Variants in FHIT observed in about 807,000 individuals in gnomAD.
FHIT encodes the protein bis(5'-adenosyl)-triphosphatase.
In FHIT, 19 loss-of-function variants were observed where a neutral mutation model predicts 17.9. The observed-to-expected ratio is 1.06, with a 90% confidence interval of 0.74 to 1.56. The LOEUF (loss-of-function observed/expected upper bound fraction) is 1.56. Among genes scored for constraint, FHIT ranks in the 40% most tolerant of loss-of-function variants. The probability of loss-of-function intolerance (pLI) is 0.00; values close to 1 mark genes in which losing one functional copy is unlikely to be tolerated. For missense variants in FHIT, 248 were observed against 189.2 expected (o/e 1.31, Z -1.82); for synonymous variants, 81 against 69.7 (o/e 1.16, Z -0.81).
At chr3:61,143,618 C>G (rs548745855) in intron 2 of FHIT, among the ~76,000 whole-genome samples, 1 of 152,190 alleles carries the variant, frequency 6.6e-6, no homozygotes, top group Non-Finnish European at 1.5e-5. Flanking sequence ...GTAATCCCAA[C>G]GCTCTGGGAG....
At chr3:59,759,367 A>ACAAT (rs1701385613) in intron 8 of FHIT, among the ~76,000 whole-genome samples, 1 of 152,180 alleles carries the variant, frequency 6.6e-6, no homozygotes, top group South Asian at 2.1e-4. Flanking sequence ...AGTGATGGCA[A>ACAAT]CAATCAGAAG....
At chr3:60,792,396 A>G (rs1313966152) in intron 4 of FHIT, among the ~76,000 whole-genome samples, 1 of 152,250 alleles carries the variant, frequency 6.6e-6, no homozygotes, top group Admixed American at 6.5e-5. Context: ...AGTTAAAATC[A>G]TGCTGTCGAC....
chr3:59,756,406 G>C (rs1214698873), intron 8 of FHIT, among the ~76,000 whole-genome samples: 2 of 152,228 alleles, frequency 1.3e-5, no homozygotes, highest in Admixed American at 6.5e-5. Context: ...CATGGTAAAA[G>C]CTAAGGTCCT....
intron 5 of FHIT, among the ~76,000 whole-genome samples, chr3:60,291,487 G>A (rs1010257992): frequency 1.3e-5 from 2 of 152,094 alleles, no homozygotes; most frequent in African/African-American, 4.8e-5. Flanking sequence ...CCTCCATGTC[G>A]GACATGCCTG....
intron 2 of FHIT, among the ~76,000 whole-genome samples, chr3:61,195,120 G>T (rs1240121436): frequency 6.6e-6 from 1 of 151,148 alleles, no homozygotes; most frequent in East Asian, 1.9e-4. Context: ...AACTCTCAGG[G>T]AAGAAAGAAA....
At chr3:60,418,997 G>C (rs369651607) in intron 5 of FHIT, among the ~76,000 whole-genome samples, 2 of 152,246 alleles carry the variant, frequency 1.3e-5, no homozygotes, top group Admixed American at 1.3e-4. Context: ...AGCCCGAATG[G>C]GAAGTACCTA....
chr3:59,853,276 C>T (rs190037785), intron 8 of FHIT, among the ~76,000 whole-genome samples: 47 of 152,244 alleles, frequency 3.1e-4, no homozygotes, highest in Admixed American at 5.9e-4. Context: ...TCCACATAGG[C>T]TATTATGATC....
intron 5 of FHIT, among the ~76,000 whole-genome samples, chr3:60,025,804 A>C (rs1700720980): frequency 6.6e-6 from 1 of 152,146 alleles, no homozygotes; most frequent in African/African-American, 2.4e-5. Context: ...CAAAACAGGA[A>C]GCAAAAGACA....
intron 5 of FHIT, among the ~76,000 whole-genome samples, chr3:60,243,977 GT>G (rs1429398573): frequency 6.6e-6 from 1 of 151,900 alleles, no homozygotes; most frequent in Non-Finnish European, 1.5e-5. Context: ...CGGTTAAATG[GT>G]TTGTATAGCT....
chr3:60,363,612 G>C (rs1699991270), intron 5 of FHIT, among the ~76,000 whole-genome samples: 4 of 152,100 alleles, frequency 2.6e-5, no homozygotes. Context: ...GTGGTAGCTA[G>C]AACTTGAGCC....
At chr3:60,304,845 C>A (rs2106726404) in intron 5 of FHIT, among the ~76,000 whole-genome samples, 1 of 152,194 alleles carries the variant, frequency 6.6e-6, no homozygotes, top group South Asian at 2.1e-4. Flanking sequence ...GATTGTACAT[C>A]TCTATCAAAC....
At chr3:60,033,391 G>A (rs1383999262) in intron 5 of FHIT, among the ~76,000 whole-genome samples, 1 of 152,084 alleles carries the variant, frequency 6.6e-6, no homozygotes, top group Non-Finnish European at 1.5e-5. Context: ...CTACTCAGGA[G>A]GTTGAGGCAG....
rs373748364 is a variant in FHIT at position 60,413,427 on chromosome 3, G to C, written c.103+123433C>G. Among the ~76,000 whole-genome samples, 9 of 152,278 alleles carry C rather than the reference G, an allele frequency of 5.9e-5. 1 individual carries two copies. The highest frequency in any genetic ancestry group is 4.1e-4 in the South Asian group (2 of 4,826). ...TGATTTTAACAATGAAAGTAGCTCA[G>C]AACATAGGAGTTACTTGGCCAATAG... On this transcript the variant is annotated intron_variant, in intron 5 of 9. Transcript: ENST00000492590.
At chr3:60,641,438 C>T (rs2039721697) in intron 4 of FHIT, among the ~76,000 whole-genome samples, 1 of 151,962 alleles carries the variant, frequency 6.6e-6, no homozygotes, top group Non-Finnish European at 1.5e-5. Context: ...ATTAAAATAC[C>T]CACAGCATCA....
chr3:59,923,217 T>A (rs1705493950), intron 7 of FHIT, among the ~76,000 whole-genome samples: 1 of 77,394 alleles, frequency 1.3e-5, no homozygotes, highest in East Asian at 4.2e-4. Flanking sequence ...AGAGCGAGAC[T>A]CCTCAAAAAA....
chr3:60,441,809 T>C (rs1390857254), intron 5 of FHIT, among the ~76,000 whole-genome samples: 1 of 119,250 alleles, frequency 8.4e-6, no homozygotes, highest in African/African-American at 3.0e-5. Context: ...TATATATATA[T>C]ATATATCAGG....
intron 4 of FHIT, among the ~76,000 whole-genome samples, chr3:60,610,909 C>T (rs1404607755): frequency 1.2e-4 from 18 of 152,252 alleles, no homozygotes; most frequent in Admixed American, 1.0e-3. Context: ...GACCCTGGCT[C>T]CAGTCCCAGC....
At chr3:60,224,798 G>A (rs188733475) in intron 5 of FHIT, among the ~76,000 whole-genome samples, 131 of 151,956 alleles carry the variant, frequency 8.6e-4, no homozygotes, top group Admixed American at 3.0e-3. Flanking sequence ...GGTCTTGGCT[G>A]AAAACTCCGG....
At chr3:61,069,758 A>G (rs1370047073) in intron 2 of FHIT, among the ~76,000 whole-genome samples, 2 of 152,212 alleles carry the variant, frequency 1.3e-5, no homozygotes, top group Non-Finnish European at 2.9e-5. Context: ...GTATATGTTC[A>G]GGAAGAACTG....
Sources: allele counts gnomAD v4.1 joint callset (sites outside exome capture counted in the v4.1 genomes callset), GRCh38; gene constraint gnomAD v4.1.1; transcripts MANE v1.5; gene names NCBI Gene and HGNC (gene_info 2026-07-23, HGNC 2026-07-21).